Variants in CACNA2D1 observed in about 807,000 individuals in gnomAD.
CACNA2D1 encodes calcium voltage-gated channel auxiliary subunit alpha2delta 1, also known as voltage-dependent calcium channel subunit alpha-2/delta-1.
In CACNA2D1, 53 loss-of-function variants were observed where a neutral mutation model predicts 171.5. The ratio of observed to expected loss-of-function variants is 0.31; its 90% CI spans 0.25 to 0.39. The LOEUF (loss-of-function observed/expected upper bound fraction) is 0.39. Among genes scored for constraint, CACNA2D1 ranks in the 10% least tolerant of loss-of-function variants. The probability of loss-of-function intolerance (pLI) is 1.00; values close to 1 mark genes in which losing one functional copy is unlikely to be tolerated. For missense variants in CACNA2D1, 903 were observed against 1,299.8 expected (o/e 0.69, Z 4.69); for synonymous variants, 442 against 443.1 (o/e 1.00, Z 0.03).
chr7:81,979,931 C>T (rs993975836), intron 24 of CACNA2D1, among the ~76,000 whole-genome samples: 7 of 151,718 alleles, frequency 4.6e-5, no homozygotes, highest in African/African-American at 1.7e-4. Flanking sequence ...CAAATAGACA[C>T]AGTCATGGTC....
intron 1 of CACNA2D1, among the ~76,000 whole-genome samples, chr7:82,397,749 C>T (rs1164304823): frequency 6.6e-6 from 1 of 152,136 alleles, no homozygotes. Flanking sequence ...ATTTAATCAT[C>T]GTTACCATGC....
At chr7:82,076,515 T>A (rs1448368519) in intron 7 of CACNA2D1, among the ~76,000 whole-genome samples, 1 of 152,146 alleles carries the variant, frequency 6.6e-6, no homozygotes, top group African/African-American at 2.4e-5. Context: ...AGTCATTAAA[T>A]TCATGTTTTT....
At chr7:82,191,816 G>T (rs888038190) in intron 3 of CACNA2D1, among the ~76,000 whole-genome samples, 1 of 151,634 alleles carries the variant, frequency 6.6e-6, no homozygotes, top group African/African-American at 2.4e-5. Flanking sequence ...GAGAAAAAGT[G>T]AATTATTTTA....
rs535416024 is a variant in CACNA2D1, at chr7:82,016,225, A to G, written c.1144-1746T>C. On this transcript the variant is annotated intron_variant, in intron 12 of 38. Coordinates refer to ENST00000356860, the MANE Select transcript of CACNA2D1 (RefSeq NM_000722.4). ...TCTAAATGGAAATATTTTTATAAGC[A>G]GGTTGACCACCCTAACTGATAATTC... 2.0e-5 allele frequency among the ~76,000 whole-genome samples: 3 copies of G among 152,298 alleles called. No homozygotes were observed. In the South Asian group the frequency reaches 6.2e-4, roughly 32 times the overall value.
At chr7:81,951,978 T>TG (rs1792623410) in intron 38 of CACNA2D1, among the ~76,000 whole-genome samples, 1 of 148,938 alleles carries the variant, frequency 6.7e-6, no homozygotes, top group South Asian at 2.1e-4. Context: ...TGTTTTTTTT[T>TG]TTTTTTTTTT....
Position 81,947,878 on chromosome 7 carries a change from T to C in CACNA2D1, c.*2514A>G, listed in dbSNP as rs377282291. 3.9e-5 allele frequency: 6 copies of C among 151,980 alleles called. No homozygotes were observed. The South Asian group carries it at 1.0e-3, about 26-fold the overall frequency. The allele number at this position is 151,980 out of a possible 1,614,324, so 9.4% of individuals were successfully genotyped here. On this transcript the variant is annotated 3_prime_UTR_variant, in exon 39 of 39. Transcript: ENST00000356860. The stretch of plus-strand genomic sequence containing the variant: ...CAGCTTGTTCTTACCCAATTTGTAA[T>C]TGCATTTATGGTTGTCATAATATAT...
chr7:81,964,471 C>T (rs1794491629), intron 32 of CACNA2D1, 112 bp from the exon 33 acceptor site: 2 of 804,692 alleles, frequency 2.5e-6, no homozygotes, highest in Admixed American at 2.6e-5. Flanking sequence ...TGAACTACAA[C>T]TGAGGAGCTT....
At chr7:82,239,000 T>C (rs34481696) in intron 3 of CACNA2D1, among the ~76,000 whole-genome samples, 262 of 152,168 alleles carry the variant, frequency 1.7e-3, no homozygotes, top group Admixed American at 3.2e-3. Flanking sequence ...GAATGGTATA[T>C]TGGGATATGG....
chr7:82,248,175 T>C (rs909561813), intron 3 of CACNA2D1, among the ~76,000 whole-genome samples: 7 of 152,152 alleles, frequency 4.6e-5, no homozygotes. Context: ...AAAATGATAA[T>C]AATAAAGTAC....
At chr7:82,378,744 GC>G (rs1823312865) in intron 1 of CACNA2D1, among the ~76,000 whole-genome samples, 2 of 152,008 alleles carry the variant, frequency 1.3e-5, no homozygotes, top group Admixed American at 6.6e-5. Flanking sequence ...AACCTAACTT[GC>G]CAATAAATTT....
chr7:82,057,304 C>T (rs1806031973), intron 10 of CACNA2D1, among the ~76,000 whole-genome samples: 1 of 152,022 alleles, frequency 6.6e-6, no homozygotes, highest in Non-Finnish European at 1.5e-5. Context: ...CAGAATGTAT[C>T]AATATGAAAA....
intron 6 of CACNA2D1, among the ~76,000 whole-genome samples, chr7:82,110,325 G>T (rs1788225182): frequency 6.6e-6 from 1 of 152,074 alleles, no homozygotes; most frequent in African/African-American, 2.4e-5. Flanking sequence ...ACCTACAATA[G>T]GATTAGTGGC....
At chr7:82,173,660 T>G (rs1188041029) in intron 3 of CACNA2D1, among the ~76,000 whole-genome samples, 9 of 152,072 alleles carry the variant, frequency 5.9e-5, no homozygotes, top group Non-Finnish European at 1.5e-5. Context: ...CTAGACACTT[T>G]AAGCCTTTAA....
intron 4 of CACNA2D1, among the ~76,000 whole-genome samples, chr7:82,139,024 G>A (rs1315308004): frequency 6.6e-6 from 1 of 152,078 alleles, no homozygotes; most frequent in African/African-American, 2.4e-5. Flanking sequence ...AGGCTGCATT[G>A]AATTTCAAGC....
At chr7:82,060,664 G>C (rs142388008) in intron 9 of CACNA2D1, 137 bp from the exon 10 acceptor site, 33 of 506,874 alleles carry the variant, frequency 6.5e-5, no homozygotes, top group Middle Eastern at 5.0e-4. Context: ...TTGAAAATCA[G>C]TTTAAAAAGT....
At position 82,443,394 on chromosome 7, in the gene CACNA2D1, C is replaced by G; in HGVS notation, c.66G>C (p.Ser22=). The change falls in exon 1 of 39, where the codon TCG becomes TCC. Residue 22 remains serine (S), a synonymous_variant. Transcript: ENST00000356860. ...CGGCCGAAGGGAACGGCTCCTCCGA[C>G]GAGGGGCCGATGAGCAAAGATTGGA... ...TLFQSLLIGP[S]SEEPFPSAVT... is the part of the protein sequence containing the mutation. The G allele has an allele frequency of 1.9e-6, 3 of 1,605,002 alleles. No homozygotes were observed. The highest frequency in any genetic ancestry group is 2.6e-6 in the Non-Finnish European group (3 of 1,175,660).
intron 4 of CACNA2D1, among the ~76,000 whole-genome samples, chr7:82,143,160 A>G (rs544599742): frequency 2.6e-5 from 4 of 152,304 alleles, no homozygotes; most frequent in South Asian, 4.1e-4. Flanking sequence ...GAAAACATGA[A>G]CATATTGAGA....
intron 12 of CACNA2D1, chr7:82,021,115 C>G (rs1801150598): frequency 6.6e-6 from 1 of 152,006 alleles, no homozygotes; most frequent in African/African-American, 2.4e-5. Context: ...TCTCTATATG[C>G]ATTTAGTACT....
intron 4 of CACNA2D1, among the ~76,000 whole-genome samples, chr7:82,141,673 C>T (rs559794024): frequency 1.3e-5 from 2 of 152,292 alleles, no homozygotes; most frequent in South Asian, 2.1e-4. Flanking sequence ...GATCTGACCT[C>T]GTATATATGA....
Sources: gnomAD v4.1 joint callset for allele counts (sites outside exome capture counted in the v4.1 genomes callset) on GRCh38, gnomAD v4.1.1 for gene constraint, MANE v1.5 for transcripts, NCBI Gene and HGNC (gene_info 2026-07-23, HGNC 2026-07-21) for gene names.